CSMD3: variants seen among roughly 807,000 people sequenced by gnomAD.
The protein encoded by CSMD3 is CUB and Sushi multiple domains 3.
In CSMD3, 177 loss-of-function variants were observed where a neutral mutation model predicts 435.2. The ratio of observed to expected loss-of-function variants is 0.41; its 90% CI spans 0.36 to 0.46. The LOEUF (loss-of-function observed/expected upper bound fraction) is 0.46. Among genes scored for constraint, CSMD3 ranks in the 20% least tolerant of loss-of-function variants. The pLI is 0.34. For missense variants in CSMD3, 4,265 were observed against 4,504.6 expected, an observed-to-expected ratio of 0.95 and a Z score of 1.52; for synonymous variants, 1,656 against 1,520.5, an observed-to-expected ratio of 1.09 and a Z score of -2.07.
chr8:113,367,919 TTTTA>T (rs1027459555), intron 1 of CSMD3, among the ~76,000 whole-genome samples: 4 of 152,100 alleles, frequency 2.6e-5, no homozygotes, highest in African/African-American at 9.7e-5. Context: ...ATCTAAATTA[TTTTA>T]TTTATTTATT....
rs11785988 is a variant in CSMD3, at chr8:113,409,372, C to A, written c.178+27305G>T. 9.6e-3 allele frequency among the ~76,000 whole-genome samples: 1,467 copies of A among 152,040 alleles called. 13 individuals carry two copies. Among genetic ancestry groups the A allele is most frequent in the Non-Finnish European group, 0.016 (1,055 of 67,952 alleles). On this transcript the variant is annotated intron_variant, in intron 1 of 70. Coordinates refer to ENST00000297405, the MANE Select transcript of CSMD3 (RefSeq NM_198123.2). ...TGCTGGGATTACAGGCCTGAGCCAC[C>A]GCGCCCGGCCAATAAGACATTTTAC...
At position 113,278,581 on chromosome 8, in the gene CSMD3, C is replaced by T. The variant is rs761513288; in HGVS notation, c.514+11G>A. ...AAGGGCAGTGGTTTGTTTGCCACTA[C>T]CATCACTTACCTTCGTAATATACCT... is the stretch of plus-strand genomic sequence containing the variant. On this transcript the variant is annotated intron_variant, in intron 3 of 70. Transcript: ENST00000297405. The T allele has an allele frequency of 1.1e-5, 15 of 1,312,482 alleles. No individual in the cohort carries two copies. The highest frequency in any genetic ancestry group is 1.7e-5 in the Non-Finnish European group (15 of 905,484). 81.3% of individuals were successfully genotyped at this position (1,312,482 alleles called of 1,614,324 possible). A position where few individuals can be genotyped will look rare whatever the true frequency, so the allele number is the denominator to read the frequency against.
intron 27 of CSMD3, among the ~76,000 whole-genome samples, chr8:112,528,340 AC>A (rs2045427635): frequency 6.6e-6 from 1 of 152,180 alleles, no homozygotes; most frequent in African/African-American, 2.4e-5. Flanking sequence ...AACTAGTTAT[AC>A]ACTCTTAGGT....
At chr8:112,571,805 G>A (rs755988932) in intron 24 of CSMD3, among the ~76,000 whole-genome samples, 4 of 151,174 alleles carry the variant, frequency 2.6e-5, no homozygotes, top group Non-Finnish European at 5.9e-5. Flanking sequence ...GGAGGGAGAG[G>A]TTGCAGTAAG....
intron 1 of CSMD3, among the ~76,000 whole-genome samples, chr8:113,434,249 G>A (rs146459424): frequency 6.6e-6 from 1 of 152,158 alleles, no homozygotes; most frequent in Non-Finnish European, 1.5e-5. Flanking sequence ...GGACCCTCAC[G>A]CTAGTCTAGA....
chr8:113,248,967 C>T (rs2093308122), intron 3 of CSMD3, among the ~76,000 whole-genome samples: 1 of 151,884 alleles, frequency 6.6e-6, no homozygotes, highest in Non-Finnish European at 1.5e-5. Context: ...TTGGCTGTGT[C>T]CCCACTCAAA....
At chr8:112,368,329 C>A (rs1204381501) in intron 38 of CSMD3, among the ~76,000 whole-genome samples, 4 of 152,064 alleles carry the variant, frequency 2.6e-5, no homozygotes, top group African/African-American at 7.2e-5. Flanking sequence ...CACTTTGGGA[C>A]CTTGGTAAAA....
chr8:113,297,817 T>G (rs903060855), intron 2 of CSMD3, among the ~76,000 whole-genome samples: 1 of 152,104 alleles, frequency 6.6e-6, no homozygotes, highest in African/African-American at 2.4e-5. Context: ...CGTTTTACCA[T>G]GATGGAAATT....
intron 4 of CSMD3, among the ~76,000 whole-genome samples, chr8:113,169,266 AC>A (rs1365815593): frequency 6.6e-6 from 1 of 152,150 alleles, no homozygotes. Flanking sequence ...GTCAAAGGCA[AC>A]AGTTTCCTCA....
intron 1 of CSMD3, among the ~76,000 whole-genome samples, chr8:113,415,957 T>C (rs879627856): frequency 5.3e-5 from 8 of 152,144 alleles, no homozygotes; most frequent in Non-Finnish European, 7.4e-5. Context: ...ACACTCTTCA[T>C]GTTTGCCAGT....
chr8:112,736,387 C>A (rs972184462), intron 13 of CSMD3, among the ~76,000 whole-genome samples: 2 of 152,044 alleles, frequency 1.3e-5, no homozygotes, highest in Non-Finnish European at 2.9e-5. Flanking sequence ...CCTGCCTTGA[C>A]AGGCTTTCTC....
chr8:112,835,049 G>A (rs1229879373), intron 11 of CSMD3, among the ~76,000 whole-genome samples: 3 of 151,696 alleles, frequency 2.0e-5, no homozygotes, highest in African/African-American at 4.8e-5. Context: ...GGATTGCTTA[G>A]TGTTGCTTAT....
At chr8:113,129,710 G>A (rs2091235403) in intron 4 of CSMD3, among the ~76,000 whole-genome samples, 1 of 152,062 alleles carries the variant, frequency 6.6e-6, no homozygotes, top group Non-Finnish European at 1.5e-5. Flanking sequence ...GATTCATAGA[G>A]AAGTATACAC....
intron 36 of CSMD3, among the ~76,000 whole-genome samples, chr8:112,386,686 A>G (rs1357619435): frequency 6.6e-6 from 1 of 151,938 alleles, no homozygotes; most frequent in Non-Finnish European, 1.5e-5. Flanking sequence ...TTTAGTAGAG[A>G]CGGGGTTTCA....
intron 45 of CSMD3, among the ~76,000 whole-genome samples, chr8:112,326,830 T>C (rs925884351): frequency 6.6e-6 from 1 of 152,092 alleles, no homozygotes; most frequent in African/African-American, 2.4e-5. Flanking sequence ...GCTAGCCACC[T>C]GCAGAGACAG....
chr8:112,640,189 CACAA>C (rs2074784105), intron 20 of CSMD3, among the ~76,000 whole-genome samples: 1 of 152,072 alleles, frequency 6.6e-6, no homozygotes, highest in South Asian at 2.1e-4. Flanking sequence ...AATGACTTCA[CACAA>C]ACACACACAC....
At chr8:112,545,245 G>T (rs1018499448) in intron 27 of CSMD3, among the ~76,000 whole-genome samples, 8 of 151,908 alleles carry the variant, frequency 5.3e-5, no homozygotes, top group African/African-American at 1.7e-4. Flanking sequence ...GCACTTGGGG[G>T]TGCTGAGGCG....
At chr8:112,982,345 G>T (rs984466722) in intron 6 of CSMD3, among the ~76,000 whole-genome samples, 1 of 151,896 alleles carries the variant, frequency 6.6e-6, no homozygotes, top group African/African-American at 2.4e-5. Flanking sequence ...TTTAAAAGAA[G>T]AATCATGGCA....
chr8:113,026,777 T>C (rs9297485), intron 5 of CSMD3, among the ~76,000 whole-genome samples: 83,558 of 151,862 alleles, frequency 0.55, 24,218 homozygotes, highest in East Asian at 0.95. Context: ...TCAAGGCCCA[T>C]CTAAAATTCT....
Sources: gnomAD v4.1 joint callset for allele counts (sites outside exome capture counted in the v4.1 genomes callset) on GRCh38, gnomAD v4.1.1 for gene constraint, MANE v1.5 for transcripts, NCBI Gene and HGNC (gene_info 2026-07-23, HGNC 2026-07-21) for gene names.